The following AGAP1 variants were observed in gnomAD, a reference collection of about 807,000 sequenced individuals.
The protein encoded by AGAP1 is ArfGAP with GTPase domain, ankyrin repeat and PH domain 1.
AGAP1 carries 29 observed loss-of-function variants against 105.3 expected under a neutral mutation model. The observed-to-expected ratio is 0.28, with a 90% confidence interval of 0.21 to 0.38. The LOEUF is 0.38. Among genes scored for constraint, AGAP1 ranks in the 10% least tolerant of loss-of-function variants. AGAP1 has a pLI of 1.00. For missense variants in AGAP1, 998 were observed against 1,165.1 expected (o/e 0.86, Z 2.09); for synonymous variants, 509 against 485.9 (o/e 1.05, Z -0.63).
chr2:235,532,051 C>T (rs2149075790), intron 1 of AGAP1, among the ~76,000 whole-genome samples: 1 of 152,230 alleles, frequency 6.6e-6, no homozygotes, highest in South Asian at 2.1e-4. Context: ...GAGTTGATCA[C>T]AAAAAGTAGA....
chr2:235,807,483 T>C (rs2150093020), intron 9 of AGAP1, 152 bp downstream of exon 9: 1 of 629,822 alleles, frequency 1.6e-6, no homozygotes, highest in Non-Finnish European at 2.6e-6. Context: ...GCAGAGTTCC[T>C]GTGTGTATTC....
In AGAP1 at chr2:235,535,297, G is replaced by A. The variant is rs545850590; in HGVS notation, c.163+40448G>A. ...CACGTCTCTTTCAATGCGGGCGTGCGAACTTCCAGGTAGAGCCGAGTTCAA... is the reference window on the plus strand; with the variant it reads ...CACGTCTCTTTCAATGCGGGCGTGCAAACTTCCAGGTAGAGCCGAGTTCAA... On this transcript the variant is annotated intron_variant, in intron 1 of 17. Transcript: ENST00000304032. The surrounding 1 kb of genome is among the most constrained non-coding windows in gnomAD (Gnocchi z 5.1). Among the ~76,000 whole-genome samples the A allele has an allele frequency of 2.6e-5, 4 of 152,096 alleles. No homozygotes were observed. Among genetic ancestry groups the A allele is most frequent in the Admixed American group, 6.5e-5 (1 of 15,276 alleles).
intron 13 of AGAP1, among the ~76,000 whole-genome samples, chr2:236,024,776 C>T (rs1368538404): frequency 1.3e-5 from 2 of 152,222 alleles, no homozygotes; most frequent in African/African-American, 4.8e-5. Flanking sequence ...TGCATAGAAA[C>T]TGGACACAAT....
chr2:235,580,220 A>G (rs1944883850), intron 1 of AGAP1, among the ~76,000 whole-genome samples: 1 of 151,758 alleles, frequency 6.6e-6, no homozygotes, highest in Admixed American at 6.6e-5. Context: ...GTGTACAGGG[A>G]TTTGCTTGAG....
intron 9 of AGAP1, among the ~76,000 whole-genome samples, chr2:235,858,513 GT>G (rs1246296792): frequency 6.6e-6 from 1 of 152,134 alleles, no homozygotes; most frequent in African/African-American, 2.4e-5. Context: ...GATGCAGTAG[GT>G]TAGGGGGAAA....
chr2:236,054,825 C>T (rs897884752), intron 16 of AGAP1, among the ~76,000 whole-genome samples: 6 of 152,180 alleles, frequency 3.9e-5, no homozygotes, highest in African/African-American at 9.7e-5. Context: ...CCACGATCAC[C>T]GAGCATGGCG....
chr2:235,494,783 C>T lies in AGAP1; in HGVS notation c.97C>T (p.Leu33=). The change falls in exon 1 of 18, where the codon CTG becomes TTG. Residue 33 remains leucine (L), a synonymous_variant. Transcript: ENST00000304032. ...CCCCAACATCTACTCCATCTACGAG[C>T]TGCTGGAGCGCGTGGAGGAGCCGGT... ...VHPNIYSIYE[L]LERVEEPVLQ... is the part of the protein sequence containing the mutation. The T allele has an allele frequency of 1.9e-6, 3 of 1,585,098 alleles. No individual in the cohort carries two copies. The highest frequency in any genetic ancestry group is 2.6e-6 in the Non-Finnish European group (3 of 1,165,792).
chr2:235,931,043 G>A lies in AGAP1; in HGVS notation c.1483+120G>A, dbSNP rs2052698767. ...CTCTGGGAGCGCAGCACCCTGTGGGGCGGCTGCATCAGAGACTCACATCTT... is the reference window on the plus strand; with the variant it reads ...CTCTGGGAGCGCAGCACCCTGTGGGACGGCTGCATCAGAGACTCACATCTT... On this transcript the variant is annotated intron_variant, in intron 12 of 17. Coordinates refer to ENST00000304032, the MANE Select transcript of AGAP1 (RefSeq NM_001037131.3). This position sits in a 1 kb window ranked among gnomAD's most constrained non-coding sequence, Gnocchi z 5.6. 4.2e-6 allele frequency: 5 copies of A among 1,190,224 alleles called. No homozygotes were observed. Among genetic ancestry groups the A allele is most frequent in the Non-Finnish European group, 5.7e-6 (5 of 876,922 alleles). 73.7% of individuals were successfully genotyped at this position (1,190,224 alleles called of 1,614,324 possible). A position where few individuals can be genotyped will look rare whatever the true frequency, so the allele number is the denominator to read the frequency against.
rs1325459851 is a variant in AGAP1, at chr2:235,893,691, TGAG to T, written c.1155+10250_1155+10252del. Among the ~76,000 whole-genome samples, 1 of 152,076 alleles carries T rather than the reference TGAG, an allele frequency of 6.6e-6. No homozygotes were observed. Among genetic ancestry groups the T allele is most frequent in the Non-Finnish European group, 1.5e-5 (1 of 68,014 alleles). On this transcript the variant is annotated intron_variant, in intron 10 of 17. Transcript: ENST00000304032. The surrounding 1 kb of genome is among the most constrained non-coding windows in gnomAD (Gnocchi z 4.7). ...TTCTGCCCCATCTAGTGTATGTCAT[TGAG>T]GAGGAGGGCTGTGTTCCCCACAGTC... is the stretch of plus-strand genomic sequence containing the variant.
Position 235,904,976 on chromosome 2 carries a change from T to TA in AGAP1, c.1156-3762_1156-3761insA, listed in dbSNP as rs201877198. On this transcript the variant is annotated intron_variant, in intron 10 of 17. Coordinates refer to ENST00000304032, the MANE Select transcript of AGAP1 (RefSeq NM_001037131.3). This position sits in a 1 kb window ranked among gnomAD's most constrained non-coding sequence, Gnocchi z 4.2. Reference sequence around the variant, plus strand: ...ATTTTAAATACCGATTTTATTTATTTTTTTTTTTTAGAGCTAGTTCTTCTG... The same window carrying TA: ...ATTTTAAATACCGATTTTATTTATTTATTTTTTTTTAGAGCTAGTTCTTCTG... Among the ~76,000 whole-genome samples the TA allele has an allele frequency of 6.6e-3, 1,001 of 152,228 alleles. 12 individuals carry two copies. The highest frequency in any genetic ancestry group is 0.023 in the African/African-American group (937 of 41,558).
At chr2:235,762,993 C>T (rs1000099766) in intron 6 of AGAP1, among the ~76,000 whole-genome samples, 4 of 150,582 alleles carry the variant, frequency 2.7e-5, no homozygotes, top group Non-Finnish European at 4.4e-5. Context: ...ATAAAAACCA[C>T]TGACAACACT....
intron 1 of AGAP1, among the ~76,000 whole-genome samples, chr2:235,519,353 A>G (rs1261929211): frequency 2.6e-5 from 4 of 152,132 alleles, no homozygotes. Flanking sequence ...GGTTACAGTC[A>G]TGAGCCACCG....
rs1369591706 is a variant in AGAP1 at position 235,887,274 on chromosome 2, G to T, written c.1155+3825G>T. On this transcript the variant is annotated intron_variant, in intron 10 of 17. Transcript: ENST00000304032. This position sits in a 1 kb window ranked among gnomAD's most constrained non-coding sequence, Gnocchi z 4.1. ...GGTCAAGTGTTGGGAAAGCTGCCAG[G>T]ATTGCTGGTGTTTGGGTTTCAGAGT... Among the ~76,000 whole-genome samples, 1 of 152,054 alleles carries T rather than the reference G, an allele frequency of 6.6e-6. No individual in the cohort carries two copies. Among genetic ancestry groups the T allele is most frequent in the Non-Finnish European group, 1.5e-5 (1 of 68,022 alleles).
At chr2:235,606,506 T>C (rs114143700) in intron 1 of AGAP1, among the ~76,000 whole-genome samples, 1 of 152,304 alleles carries the variant, frequency 6.6e-6, no homozygotes, top group African/African-American at 2.4e-5. Flanking sequence ...ACATCCATAA[T>C]GAACCTTTTT....
chr2:236,088,407 G>T (rs1314614898), intron 16 of AGAP1, among the ~76,000 whole-genome samples: 1 of 152,238 alleles, frequency 6.6e-6, no homozygotes, highest in Non-Finnish European at 1.5e-5. Flanking sequence ...ACTCTGTAAT[G>T]ACCATCTTGG....
chr2:235,795,105 GT>G (rs924402259), intron 6 of AGAP1, among the ~76,000 whole-genome samples: 1 of 152,044 alleles, frequency 6.6e-6, no homozygotes. Flanking sequence ...TCTTTGAGTT[GT>G]TTTTTTGGGG....
chr2:235,633,389 T>G lies in AGAP1; in HGVS notation c.164-75790T>G, dbSNP rs1384508737. On this transcript the variant is annotated intron_variant, in intron 1 of 17. Coordinates refer to ENST00000304032, the MANE Select transcript of AGAP1 (RefSeq NM_001037131.3). This position sits in a 1 kb window ranked among gnomAD's most constrained non-coding sequence, Gnocchi z 4.8. ...TGGGTGGATCACCTGAGGTCAGGAG[T>G]TCAAGACCAGTCTGGTCAACATGGT... 6.6e-6 allele frequency among the ~76,000 whole-genome samples: 1 copy of G among 151,450 alleles called. No individual in the cohort carries two copies. Among genetic ancestry groups the G allele is most frequent in the South Asian group, 2.1e-4 (1 of 4,770 alleles).
chr2:235,531,700 C>G (rs972042270), intron 1 of AGAP1, among the ~76,000 whole-genome samples: 4 of 151,730 alleles, frequency 2.6e-5, no homozygotes, highest in Admixed American at 2.0e-4. Flanking sequence ...CTCCGCCTCC[C>G]GGGTTCAAGC....
chr2:236,103,551 C>CCTTT (rs747751961), intron 16 of AGAP1, among the ~76,000 whole-genome samples: 32 of 144,436 alleles, frequency 2.2e-4, no homozygotes, highest in Admixed American at 9.0e-4. Context: ...TCCTTTCTTT[C>CCTTT]CTTTCTTTCT....
Sources: allele counts gnomAD v4.1 joint callset (sites outside exome capture counted in the v4.1 genomes callset), GRCh38; gene constraint gnomAD v4.1.1; non-coding constraint Gnocchi (gnomAD v3.1); transcripts MANE v1.5; gene names NCBI Gene and HGNC (gene_info 2026-07-23, HGNC 2026-07-21).